NUP62CL: variants seen among roughly 807,000 people sequenced by gnomAD.
NUP62CL encodes nucleoporin-62 C-terminal-like protein.
A neutral mutation model predicts 15.3 loss-of-function variants in NUP62CL; 13 were observed. The ratio of observed to expected loss-of-function variants is 0.85; its 90% CI spans 0.55 to 1.35. NUP62CL has a LOEUF of 1.35. NUP62CL is among the 40% of genes most tolerant of loss of function. The probability of loss-of-function intolerance (pLI) is 0.00; values close to 1 mark genes in which losing one functional copy is unlikely to be tolerated. For missense variants in NUP62CL, 123 were observed against 130.6 expected, an observed-to-expected ratio of 0.94 and a Z score of 0.28; for synonymous variants, 54 against 49.2, an observed-to-expected ratio of 1.10 and a Z score of -0.41.
intron 3 of NUP62CL, among the ~76,000 whole-genome samples, chrX:107,169,305 G>A (rs1201982617): frequency 3.2e-4 from 36 of 111,290 alleles, no homozygotes; most frequent in African/African-American, 1.1e-3. Context: ...AAACCAATGA[G>A]AAATTTAAAA....
intron 2 of NUP62CL, among the ~76,000 whole-genome samples, chrX:107,182,586 C>T (rs1304240912): frequency 1.8e-5 from 2 of 110,290 alleles, no homozygotes; most frequent in Non-Finnish European, 1.9e-5. Flanking sequence ...GGGGGGCATG[C>T]TACAGTAACA....
At chrX:107,156,082 A>C (rs1359509738) in intron 4 of NUP62CL, among the ~76,000 whole-genome samples, 1 of 110,028 alleles carries the variant, frequency 9.1e-6, no homozygotes, top group Non-Finnish European at 1.9e-5. Context: ...CGGCTTAAAA[A>C]ACGGCGCACG....
intron 7 of NUP62CL, among the ~76,000 whole-genome samples, chrX:107,149,752 C>G (rs756528808): frequency 1.0e-3 from 112 of 111,618 alleles, no homozygotes; most frequent in Non-Finnish European, 1.8e-3. Flanking sequence ...CGATCCTGGC[C>G]TCACTCCTGA....
At chrX:107,160,419 G>C (rs1487647871) in intron 4 of NUP62CL, among the ~76,000 whole-genome samples, 5 of 105,947 alleles carry the variant, frequency 4.7e-5, no homozygotes, top group Admixed American at 2.0e-4. Flanking sequence ...CATGGTACTG[G>C]TACCAAAACA....
At chrX:107,198,649 C>T (rs1927414162) in intron 1 of NUP62CL, among the ~76,000 whole-genome samples, 1 of 111,039 alleles carries the variant, frequency 9.0e-6, no homozygotes, top group South Asian at 3.9e-4. Context: ...AGCAAGACCA[C>T]GAACCCACCA....
At chrX:107,171,036 C>T (rs1334857937) in intron 3 of NUP62CL, among the ~76,000 whole-genome samples, 4 of 111,917 alleles carry the variant, frequency 3.6e-5, no homozygotes, top group Admixed American at 9.5e-5. Flanking sequence ...CTATCCTGTC[C>T]CTGATCAACA....
At chrX:107,183,755 C>G (rs1280110028) in intron 2 of NUP62CL, among the ~76,000 whole-genome samples, 3 of 111,337 alleles carry the variant, frequency 2.7e-5, no homozygotes, top group Non-Finnish European at 5.7e-5. Context: ...CAACTATAAC[C>G]AACCACCACA....
intron 1 of NUP62CL, among the ~76,000 whole-genome samples, chrX:107,196,002 G>A (rs1358993229): frequency 9.0e-6 from 1 of 111,501 alleles, no homozygotes; most frequent in Non-Finnish European, 1.9e-5. Flanking sequence ...AACACTTCCA[G>A]ATTTAGGTAT....
chrX:107,160,914 T>A (rs1236216663), intron 4 of NUP62CL, among the ~76,000 whole-genome samples: 4 of 107,853 alleles, frequency 3.7e-5, no homozygotes, highest in African/African-American at 1.0e-4. Context: ...GAATCTACAA[T>A]GAACTCAAAC....
At chrX:107,153,335 G>A (rs1296516829) in intron 6 of NUP62CL, 29 bp from the exon 7 acceptor site, 1 of 1,179,431 alleles carries the variant, frequency 8.5e-7, no homozygotes, top group Non-Finnish European at 1.1e-6. Context: ...TAAAAAGGCT[G>A]ATGAAAGGAA....
intron 8 of NUP62CL, among the ~76,000 whole-genome samples, chrX:107,138,914 A>G (rs758924881): frequency 8.9e-6 from 1 of 112,310 alleles, no homozygotes; most frequent in African/African-American, 3.2e-5. Flanking sequence ...GTCCTGCAAC[A>G]GGTGAATGGT....
At chrX:107,124,462 A>G (rs1282070801) in intron 8 of NUP62CL, 130 bp from the exon 9 acceptor site, 1 of 301,111 alleles carries the variant, frequency 3.3e-6, no homozygotes, top group Non-Finnish European at 6.3e-6. Flanking sequence ...ACGTTTTAGA[A>G]AACACATAAG....
chrX:107,163,723 A>C (rs747100295), intron 4 of NUP62CL, among the ~76,000 whole-genome samples: 1 of 112,163 alleles, frequency 8.9e-6, no homozygotes, highest in Admixed American at 9.5e-5. Flanking sequence ...AATATCAGAT[A>C]AAGTGGACTA....
At chrX:107,153,746 T>A (rs1926104572) in intron 5 of NUP62CL, among the ~76,000 whole-genome samples, 1 of 111,588 alleles carries the variant, frequency 9.0e-6, no homozygotes, top group Admixed American at 9.5e-5. Context: ...GGCAGGAGGA[T>A]CACTTGAGCC....
intron 2 of NUP62CL, among the ~76,000 whole-genome samples, chrX:107,177,640 C>A (rs1325794191): frequency 9.0e-6 from 1 of 111,284 alleles, no homozygotes; most frequent in Non-Finnish European, 1.9e-5. Flanking sequence ...GCTCACTATC[C>A]TCAGTCATTA....
At chrX:107,150,924 C>A (rs367689932) in intron 7 of NUP62CL, 1 of 340,952 alleles carries the variant, frequency 2.9e-6, no homozygotes, top group Non-Finnish European at 5.9e-6. Context: ...AGATCTTGGG[C>A]CATTTGTTTC....
At chrX:107,127,782 T>TA (rs200395600) in intron 8 of NUP62CL, among the ~76,000 whole-genome samples, 16 of 104,923 alleles carry the variant, frequency 1.5e-4, no homozygotes, top group South Asian at 7.7e-4. Flanking sequence ...GGCAGTGAGA[T>TA]AAAAAAAAAA....
At chrX:107,124,454 G>T (rs1208857297) in intron 8 of NUP62CL, 122 bp from the exon 9 acceptor site, 2 of 297,492 alleles carry the variant, frequency 6.7e-6, no homozygotes, top group Admixed American at 4.7e-5. Flanking sequence ...ATAGCTTTAC[G>T]TTTTAGAAAA....
chrX:107,174,037 T>TTC (rs747292732), intron 3 of NUP62CL, among the ~76,000 whole-genome samples: 7 of 98,012 alleles, frequency 7.1e-5, no homozygotes, highest in African/African-American at 1.5e-4. Context: ...TTTTCTTTCT[T>TTC]TCTCTCTCTC....
Sources: allele counts gnomAD v4.1 joint callset (sites outside exome capture counted in the v4.1 genomes callset), GRCh38; gene constraint gnomAD v4.1.1; transcripts MANE v1.5; gene names NCBI Gene and HGNC (gene_info 2026-07-23, HGNC 2026-07-21).